STUB1: variants seen among roughly 807,000 people sequenced by gnomAD.
The protein encoded by STUB1 is E3 ubiquitin-protein ligase CHIP.
A neutral mutation model predicts 40.3 loss-of-function variants in STUB1; 37 were observed. That is an observed-to-expected ratio of 0.92 (90% CI 0.71 to 1.21). The LOEUF (loss-of-function observed/expected upper bound fraction) is 1.21. Among genes scored for constraint, STUB1 ranks in the 50% most tolerant of loss-of-function variants. The pLI, the probability that STUB1 is intolerant of heterozygous loss-of-function variation, is 0.00. For missense variants in STUB1, 460 were observed against 421.9 expected, an observed-to-expected ratio of 1.09 and a Z score of -0.79; for synonymous variants, 246 against 171.9, an observed-to-expected ratio of 1.43 and a Z score of -3.37.
Position 681,227 on chromosome 16 carries a change from G to A in STUB1, c.235G>A (p.Ala79Thr), listed in dbSNP as rs587777346. 4 of 1,611,534 alleles carry A rather than the reference G, an allele frequency of 2.5e-6. No homozygotes were observed. Among genetic ancestry groups the A allele is most frequent in the South Asian group, 1.1e-5 (1 of 90,832 alleles). The change falls in exon 2 of 7, where the codon GCC (alanine) becomes ACC (threonine). Residue 79 changes from alanine (A) to threonine (T), a missense_variant. Coordinates refer to ENST00000219548, the MANE Select transcript of STUB1 (RefSeq NM_005861.4). ...CYLKMQQHEQ[A>T]LADCRRALEL... ...CCTGAAGATGCAGCAGCACGAGCAGGCCCTGGCCGACTGCCGGCGCGCCCT... is the reference window on the plus strand; with the variant it reads ...CCTGAAGATGCAGCAGCACGAGCAGACCCTGGCCGACTGCCGGCGCGCCCT...
Position 682,477 on chromosome 16 carries a change from G to A in STUB1, c.900G>A (p.Val300=), listed in dbSNP as rs1208312493. 2 of 1,613,366 alleles carry A rather than the reference G, an allele frequency of 1.2e-6. No homozygotes were observed. The highest frequency in any genetic ancestry group is 1.1e-5 in the South Asian group (1 of 91,084). Residue 300 remains valine (V), a synonymous_variant, in exon 7 of 7, where the codon GTG becomes GTA. Transcript: ENST00000219548. ...CATTCATCTCTGAGAATGGCTGGGTGGAGGACTACTGAGGTTCCCTGCCCT... is the reference window on the plus strand; with the variant it reads ...CATTCATCTCTGAGAATGGCTGGGTAGAGGACTACTGAGGTTCCCTGCCCT... ...IDAFISENGW[V]EDY
Position 680,828 on chromosome 16 carries a change from G to A in STUB1, c.159+144G>A. 1.1e-6 allele frequency: 1 copy of A among 875,692 alleles called. No homozygotes were observed. Among genetic ancestry groups the A allele is most frequent in the Non-Finnish European group, 1.5e-6 (1 of 663,298 alleles). The allele number at this position is 875,692 out of a possible 1,614,324, so 54.2% of individuals were successfully genotyped here. A position where few individuals can be genotyped will look rare whatever the true frequency, so the allele number is the denominator to read the frequency against. ...CCCAGCCGTGGTTCTCGAGCCCAGC[G>A]CCGGGTGCCGGAGAACGAGGGTGCG... On this transcript the variant is annotated intron_variant, in intron 1 of 6. Transcript: ENST00000219548. The surrounding 1 kb of genome is among the most constrained non-coding windows in gnomAD (Gnocchi z 4.9).
rs564669201 is a variant in STUB1 at position 680,648 on chromosome 16, G to A, written c.123G>A (p.Lys41=). ...EQGNRLFVGR[K]YPEAAACYGR... Reference sequence around the variant, plus strand: ...GCAATCGTCTGTTCGTGGGCCGAAAGTACCCGGAGGCGGCGGCCTGCTACG... The same window carrying A: ...GCAATCGTCTGTTCGTGGGCCGAAAATACCCGGAGGCGGCGGCCTGCTACG... Residue 41 remains lysine, a synonymous_variant, in exon 1 of 7, where the codon AAG becomes AAA. Transcript: ENST00000219548. This position sits in a 1 kb window ranked among gnomAD's most constrained non-coding sequence, Gnocchi z 4.9. The A allele has an allele frequency of 4.5e-6, 6 of 1,327,202 alleles. No individual in the cohort carries two copies. Among genetic ancestry groups the A allele is most frequent in the African/African-American group, 1.5e-5 (1 of 65,538 alleles). The allele number at this position is 1,327,202 out of a possible 1,614,324, so 82.2% of individuals were successfully genotyped here.
rs553879868 is a variant in STUB1 at position 682,765 on chromosome 16, G to A, written c.*276G>A. The A allele has an allele frequency of 3.2e-5, 52 of 1,609,594 alleles. No individual in the cohort carries two copies. The highest frequency in any genetic ancestry group is 4.1e-5 in the Non-Finnish European group (48 of 1,177,144). ...AGCACGAGGTGGGACGTGCTGGTGT[G>A]TGACCGGCAGTCCTGCCAGCTGTTT... On this transcript the variant is annotated 3_prime_UTR_variant, in exon 7 of 7. Coordinates refer to ENST00000219548, the MANE Select transcript of STUB1 (RefSeq NM_005861.4).
chr16:682,384 C>G lies in STUB1; in HGVS notation c.807C>G (p.Pro269=). The G allele has an allele frequency of 6.2e-7, 1 of 1,613,278 alleles. No individual in the cohort carries two copies. Among genetic ancestry groups the G allele is most frequent in the Non-Finnish European group, 8.5e-7 (1 of 1,179,986 alleles). The change falls in exon 7 of 7, where the codon CCC becomes CCG. Residue 269 remains proline, a synonymous_variant. Coordinates refer to ENST00000219548, the MANE Select transcript of STUB1 (RefSeq NM_005861.4). The stretch of plus-strand genomic sequence containing the variant: ...TGCAGCGTGTGGGTCATTTTGACCC[C>G]GTGACCCGGAGCCCCCTGACCCAGG... ...EHLQRVGHFD[P]VTRSPLTQEQ...
chr16:681,689 G>A lies in STUB1; in HGVS notation c.524+86G>A, dbSNP rs1040078297. 5 of 1,557,352 alleles carry A rather than the reference G, an allele frequency of 3.2e-6. No individual in the cohort carries two copies. In the African/African-American group the frequency reaches 5.4e-5, roughly 17 times the overall value. The stretch of plus-strand genomic sequence containing the variant: ...ACAAGCGTTTATCGAAGGCTTTACT[G>A]GCAAGCAGGAAATGTGGGGAAGTGT... On this transcript the variant is annotated intron_variant, in intron 3 of 6. Transcript: ENST00000219548.
In STUB1 at chr16:680,798, C is replaced by A; in HGVS notation, c.159+114C>A. 9.8e-7 allele frequency: 1 copy of A among 1,017,984 alleles called. No individual in the cohort carries two copies. The highest frequency in any genetic ancestry group is 4.5e-5 in the South Asian group (1 of 22,388). The allele number at this position is 1,017,984 out of a possible 1,614,324, so 63.1% of individuals were successfully genotyped here. On this transcript the variant is annotated intron_variant, in intron 1 of 6. Transcript: ENST00000219548. This position sits in a 1 kb window ranked among gnomAD's most constrained non-coding sequence, Gnocchi z 4.9. ...CTCTTCGGGGCGTGTCCTCGGCTCC[C>A]AAAGCCCAGCCGTGGTTCTCGAGCC...
chr16:682,316 C>T, intron 6 of STUB1, 35 bp downstream of exon 6: 1 of 1,612,854 alleles, frequency 6.2e-7, no homozygotes. Flanking sequence ...GGGCCAGTGG[C>T]ATGGTCCTGG....
chr16:680,659 C>T lies in STUB1; in HGVS notation c.134C>T (p.Ala45Val). The T allele has an allele frequency of 1.5e-6, 2 of 1,300,554 alleles. No individual in the cohort carries two copies. Among genetic ancestry groups the T allele is most frequent in the Non-Finnish European group, 9.9e-7 (1 of 1,014,910 alleles). 80.6% of individuals were successfully genotyped at this position (1,300,554 alleles called of 1,614,324 possible). Reference sequence around the variant, plus strand: ...TTCGTGGGCCGAAAGTACCCGGAGGCGGCGGCCTGCTACGGCCGCGCGATC... The same window carrying T: ...TTCGTGGGCCGAAAGTACCCGGAGGTGGCGGCCTGCTACGGCCGCGCGATC... ...RLFVGRKYPE[A>V]AACYGRAITR... Residue 45 changes from alanine to valine, a missense_variant, in exon 1 of 7, where the codon GCG (alanine) becomes GTG (valine). Coordinates refer to ENST00000219548, the MANE Select transcript of STUB1 (RefSeq NM_005861.4). This position sits in a 1 kb window ranked among gnomAD's most constrained non-coding sequence, Gnocchi z 4.9.
intron 3 of STUB1, 40 bp from the exon 4 acceptor site, chr16:681,753 G>A (rs758826769): frequency 3.2e-6 from 5 of 1,566,232 alleles, no homozygotes; most frequent in Non-Finnish European, 4.3e-6. Flanking sequence ...TCAGACATCT[G>A]GCCAGGTCCA....
chr16:681,108 C>T, intron 1 of STUB1, 44 bp from the exon 2 acceptor site: 2 of 1,524,402 alleles, frequency 1.3e-6, no homozygotes, highest in Non-Finnish European at 1.8e-6. Context: ...AGTGGGCACG[C>T]TGAGCCTACG....
At position 682,554 on chromosome 16, in the gene STUB1, A is replaced by G. The variant is rs2039714390; in HGVS notation, c.*65A>G. The G allele has an allele frequency of 6.2e-7, 1 of 1,600,492 alleles. No individual in the cohort carries two copies. The highest frequency in any genetic ancestry group is 2.2e-5 in the East Asian group (1 of 44,696). ...CTGGGCAGAAGCCCCCGGCCCCTAT[A>G]CATAGTTTATGTTCCTGGCCACCCC... On this transcript the variant is annotated 3_prime_UTR_variant, in exon 7 of 7. Transcript: ENST00000219548.
At chr16:681,093 G>C in intron 1 of STUB1, 59 bp from the exon 2 acceptor site, 1 of 1,496,182 alleles carries the variant, frequency 6.7e-7, no homozygotes, top group Non-Finnish European at 9.0e-7. Context: ...CGGGCCGTGG[G>C]TCAGAGTGGG....
intron 5 of STUB1, 43 bp from the exon 6 acceptor site, chr16:682,122 A>G: frequency 6.3e-7 from 1 of 1,588,618 alleles, no homozygotes; most frequent in Non-Finnish European, 8.6e-7. Flanking sequence ...GTGCTCGTGC[A>G]GTGCCCCTTT....
chr16:681,071 C>T, intron 1 of STUB1, 81 bp from the exon 2 acceptor site: 1 of 1,396,306 alleles, frequency 7.2e-7, no homozygotes, highest in Non-Finnish European at 9.7e-7. Flanking sequence ...AGCCAGAGCG[C>T]AGAAGCTGGG....
intron 3 of STUB1, 66 bp downstream of exon 3, chr16:681,669 C>G: frequency 6.4e-7 from 1 of 1,565,108 alleles, no homozygotes; most frequent in South Asian, 1.2e-5. Context: ...CCGACACAAG[C>G]GTTTATCGAA....
In STUB1 at chr16:682,750, G is replaced by C; in HGVS notation, c.*261G>C. ...GTAATAAAATCCGTGAGCACGAGGT[G>C]GGACGTGCTGGTGTGTGACCGGCAG... is the stretch of plus-strand genomic sequence containing the variant. On this transcript the variant is annotated 3_prime_UTR_variant, in exon 7 of 7. Coordinates refer to ENST00000219548, the MANE Select transcript of STUB1 (RefSeq NM_005861.4). 6.3e-7 allele frequency: 1 copy of C among 1,591,198 alleles called. No homozygotes were observed. Among genetic ancestry groups the C allele is most frequent in the Non-Finnish European group, 8.6e-7 (1 of 1,161,578 alleles).
chr16:680,475 CCGCGAG>C lies in STUB1; in HGVS notation c.-50_-45del, dbSNP rs2039631546. 1 of 1,180,018 alleles carries C rather than the reference CCGCGAG, an allele frequency of 8.5e-7. No individual in the cohort carries two copies. Among genetic ancestry groups the C allele is most frequent in the African/African-American group, 1.6e-5 (1 of 62,090 alleles). 73.1% of individuals were successfully genotyped at this position (1,180,018 alleles called of 1,614,324 possible). On this transcript the variant is annotated 5_prime_UTR_variant, in exon 1 of 7. Transcript: ENST00000219548. This position sits in a 1 kb window ranked among gnomAD's most constrained non-coding sequence, Gnocchi z 4.9. Reference sequence around the variant, plus strand: ...CGGGGCTCCGGCTGCGGGCGCTGGGCCGCGAGGCGCGGAGCTTGGGAGCGGAGCCCA... The same window carrying C: ...CGGGGCTCCGGCTGCGGGCGCTGGGCGCGCGGAGCTTGGGAGCGGAGCCCA...
rs1397544834 is a variant in STUB1 at position 682,569 on chromosome 16, C to T, written c.*80C>T. 3.7e-5 allele frequency: 58 copies of T among 1,579,160 alleles called. No homozygotes were observed. Among genetic ancestry groups the T allele is most frequent in the Non-Finnish European group, 4.7e-5 (54 of 1,158,592 alleles). ...CGGCCCCTATACATAGTTTATGTTC[C>T]TGGCCACCCCGACCGCTTCCCCCAA... On this transcript the variant is annotated 3_prime_UTR_variant, in exon 7 of 7. Coordinates refer to ENST00000219548, the MANE Select transcript of STUB1 (RefSeq NM_005861.4).
Sources: allele counts gnomAD v4.1 joint callset, GRCh38; gene constraint gnomAD v4.1.1; non-coding constraint Gnocchi (gnomAD v3.1); transcripts MANE v1.5; gene names NCBI Gene and HGNC (gene_info 2026-07-23, HGNC 2026-07-21).